The following BEGAIN variants were observed in gnomAD, a reference collection of about 807,000 sequenced individuals.
The protein encoded by BEGAIN is brain enriched guanylate kinase associated, also known as brain-enriched guanylate kinase-associated protein.
Under a neutral mutation model 35.8 loss-of-function variants are expected in BEGAIN, and 19 were observed. The ratio of observed to expected loss-of-function variants is 0.53; its 90% CI spans 0.37 to 0.78. The LOEUF (loss-of-function observed/expected upper bound fraction) is 0.78. Among genes scored for constraint, BEGAIN ranks in the 30% least tolerant of loss-of-function variants. BEGAIN has a pLI of 0.00. For synonymous variants in BEGAIN, 462 were observed against 388.6 expected (o/e 1.19, Z -2.22); for missense variants, 795 against 853.6 (o/e 0.93, Z 0.85).
rs112611239 is a variant in BEGAIN, at chr14:100,576,462, G to A, written c.43-8523C>T. 2.9e-3 allele frequency among the ~76,000 whole-genome samples: 437 copies of A among 152,296 alleles called. 5 individuals carry two copies. Among genetic ancestry groups the A allele is most frequent in the African/African-American group, 9.7e-3 (401 of 41,546 alleles). ...AGTCAATGCTCGGCGAGTATCACTC[G>A]GCGAGAGTCACCGTGCTCACCCGGA... On this transcript the variant is annotated intron_variant, in intron 1 of 6. Transcript: ENST00000554140.
Position 100,540,565 on chromosome 14 carries a change from C to T in BEGAIN, c.423G>A (p.Lys141=). The T allele has an allele frequency of 3.1e-6, 5 of 1,605,150 alleles. No individual in the cohort carries two copies. Among genetic ancestry groups the T allele is most frequent in the Non-Finnish European group, 4.3e-6 (5 of 1,175,754 alleles). Residue 141 remains lysine (K), a synonymous_variant, in exon 6 of 7, where the codon AAG becomes AAA. Transcript: ENST00000554140. ...GCAGCTGGGCCGCTAGATTGCAGTC[C>T]TTCCTATAGAGCTCCTAAAAGACAA... The part of the protein sequence containing the change: ...KLSEDNELYR[K]DCNLAAQLLQ...
intron 2 of BEGAIN, among the ~76,000 whole-genome samples, chr14:100,555,182 G>GC (rs896282951): frequency 1.3e-5 from 2 of 152,208 alleles, no homozygotes; most frequent in Admixed American, 6.5e-5. Context: ...AGCTGCTTCT[G>GC]CCCCCCGCCA....
At chr14:100,561,970 G>A (rs976257821) in intron 2 of BEGAIN, among the ~76,000 whole-genome samples, 7 of 152,152 alleles carry the variant, frequency 4.6e-5, no homozygotes, top group Non-Finnish European at 8.8e-5. Context: ...AGCTGTCAGT[G>A]TCTTGGTTCC....
At chr14:100,557,413 C>T (rs570789397) in intron 2 of BEGAIN, among the ~76,000 whole-genome samples, 1 of 152,338 alleles carries the variant, frequency 6.6e-6, no homozygotes, top group East Asian at 1.9e-4. Context: ...AGGTCCAGAT[C>T]CCAGACCCTC....
chr14:100,552,123 G>A (rs888623766), intron 2 of BEGAIN, among the ~76,000 whole-genome samples: 1 of 152,170 alleles, frequency 6.6e-6, no homozygotes, highest in African/African-American at 2.4e-5. Context: ...TCTGTAGGGG[G>A]CCTTATGGTA....
rs373487220 is a variant in BEGAIN, at chr14:100,571,879, C to G, written c.43-3940G>C. On this transcript the variant is annotated intron_variant, in intron 1 of 6. Transcript: ENST00000554140. ...ATGTTCTGCCCTGACTCTGCACGGC[C>G]GGGGCCTCCCTTCCCTGACTACCCA... Among the ~76,000 whole-genome samples, 50 of 152,300 alleles carry G rather than the reference C, an allele frequency of 3.3e-4. 1 individual carries two copies. In the East Asian group the frequency reaches 8.1e-3, roughly 25 times the overall value.
At chr14:100,583,986 G>A (rs559593037) in intron 1 of BEGAIN, among the ~76,000 whole-genome samples, 87 of 152,224 alleles carry the variant, frequency 5.7e-4, no homozygotes, top group African/African-American at 1.8e-3. Context: ...GGCGTGAGCC[G>A]CTGCGCCCAG....
Position 100,538,170 on chromosome 14 carries a change from C to T in BEGAIN, c.1638G>A (p.Gln546=), listed in dbSNP as rs1449732592. The T allele has an allele frequency of 1.3e-6, 2 of 1,532,612 alleles. No individual in the cohort carries two copies. Among genetic ancestry groups the T allele is most frequent in the African/African-American group, 1.4e-5 (1 of 72,482 alleles). 94.9% of individuals were successfully genotyped at this position (1,532,612 alleles called of 1,614,324 possible). A position where few individuals can be genotyped will look rare whatever the true frequency, so the allele number is the denominator to read the frequency against. ...EGGDGDRLGV[Q]LCGTASSPEP... Reference sequence around the variant, plus strand: ...CAGGGCTGCTGGCGGTCCCACACAGCTGCACCCCGAGCCTGTCCCCGTCCC... The same window carrying T: ...CAGGGCTGCTGGCGGTCCCACACAGTTGCACCCCGAGCCTGTCCCCGTCCC... Residue 546 remains glutamine (Q), a synonymous_variant, in exon 7 of 7, where the codon CAG becomes CAA. Coordinates refer to ENST00000554140, the MANE Select transcript of BEGAIN (RefSeq NM_001385089.1).
At chr14:100,584,930 C>T (rs1433855966) in intron 1 of BEGAIN, among the ~76,000 whole-genome samples, 1 of 152,090 alleles carries the variant, frequency 6.6e-6, no homozygotes, top group Admixed American at 6.5e-5. Context: ...GGGATCCTTA[C>T]CTCCCTTAGG....
intron 1 of BEGAIN, among the ~76,000 whole-genome samples, chr14:100,580,831 G>C (rs1024320458): frequency 2.0e-5 from 3 of 152,188 alleles, no homozygotes; most frequent in African/African-American, 7.2e-5. Context: ...GAATGGCATA[G>C]CAGGTTCAGG....
chr14:100,579,815 G>A (rs1046144858), intron 1 of BEGAIN, among the ~76,000 whole-genome samples: 2 of 152,026 alleles, frequency 1.3e-5, no homozygotes, highest in Non-Finnish European at 2.9e-5. Flanking sequence ...CCCTGTCCCC[G>A]CCCCTGGCTG....
intron 1 of BEGAIN, among the ~76,000 whole-genome samples, chr14:100,585,724 T>C (rs1483715765): frequency 6.6e-6 from 1 of 151,938 alleles, no homozygotes; most frequent in East Asian, 2.0e-4. Context: ...CCCCAGCGCA[T>C]GGAAAACTCA....
In BEGAIN at chr14:100,538,045, G is replaced by T; in HGVS notation, c.1763C>A (p.Pro588Gln). The change falls in exon 7 of 7, where the codon CCG becomes CAG. Residue 588 changes from proline (P) to glutamine (Q), a missense_variant. Physicochemically the swap from Pro to Gln is moderately conservative, Grantham distance 76. Around this residue, in one of 3 missense-constraint regions of BEGAIN, gnomAD observed 664 missense variants for 647.7 expected, o/e 1.03. Coordinates refer to ENST00000554140, the MANE Select transcript of BEGAIN (RefSeq NM_001385089.1). ...AARLSPQQAF[P>Q]RTGGSGLSRK... is the part of the protein sequence containing the mutation. ...GCTCAGCCCCGAGCCACCAGTCCGC[G>T]GAAAGGCCTGCTGGGGGCTGAGGCG... The T allele has an allele frequency of 6.2e-7, 1 of 1,607,642 alleles. No homozygotes were observed. Among genetic ancestry groups the T allele is most frequent in the Admixed American group, 1.7e-5 (1 of 59,428 alleles).
chr14:100,562,589 C>T (rs1371826585), intron 2 of BEGAIN, among the ~76,000 whole-genome samples: 8 of 151,248 alleles, frequency 5.3e-5, no homozygotes, highest in Admixed American at 4.6e-4. Flanking sequence ...CAGACCCCGT[C>T]GCTCGAGCCT....
At chr14:100,550,995 T>G (rs1431316521) in intron 2 of BEGAIN, among the ~76,000 whole-genome samples, 1 of 152,078 alleles carries the variant, frequency 6.6e-6, no homozygotes, top group Non-Finnish European at 1.5e-5. Flanking sequence ...CCCTCCCTAC[T>G]AGCTCTGCAT....
At chr14:100,540,099 C>T (rs1034399492) in intron 6 of BEGAIN, 1 of 190,088 alleles carries the variant, frequency 5.3e-6, no homozygotes, top group Non-Finnish European at 1.1e-5. Context: ...CAGCCACGCC[C>T]TCTTTCCTGA....
At chr14:100,557,169 C>G (rs560683576) in intron 2 of BEGAIN, among the ~76,000 whole-genome samples, 7 of 149,974 alleles carry the variant, frequency 4.7e-5, no homozygotes, top group South Asian at 2.1e-4. Flanking sequence ...GCGGGCCAAA[C>G]CCAGGCCCCC....
intron 2 of BEGAIN, among the ~76,000 whole-genome samples, chr14:100,554,952 C>T (rs1313717678): frequency 6.6e-6 from 1 of 152,280 alleles, no homozygotes; most frequent in African/African-American, 2.4e-5. Context: ...GCCTTTGCAC[C>T]CCTCAGTGCC....
intron 5 of BEGAIN, among the ~76,000 whole-genome samples, chr14:100,541,805 G>A (rs970381364): frequency 6.6e-6 from 1 of 152,226 alleles, no homozygotes; most frequent in African/African-American, 2.4e-5. Context: ...GGCCAGCTCT[G>A]GGACAGCTGG....
Sources: gnomAD v4.1 joint callset for allele counts (sites outside exome capture counted in the v4.1 genomes callset) on GRCh38, gnomAD v4.1.1 for gene constraint, gnomAD v4.1.1 regional missense constraint, MANE v1.5 for transcripts, NCBI Gene and HGNC (gene_info 2026-07-23, HGNC 2026-07-21) for gene names.